Variants in VAV3 observed in about 807,000 individuals in gnomAD.
VAV3 encodes the protein guanine nucleotide exchange factor VAV3.
A neutral mutation model predicts 131.2 loss-of-function variants in VAV3; 94 were observed. The observed-to-expected ratio is 0.72, with a 90% CI of 0.61 to 0.85. The LOEUF (loss-of-function observed/expected upper bound fraction) is 0.85, where lower values mean the gene tolerates loss of function less well. VAV3 is among the 40% of genes least tolerant of loss of function. The probability of loss-of-function intolerance (pLI) is 0.00; values close to 1 mark genes in which losing one functional copy is unlikely to be tolerated. For synonymous variants in VAV3, 349 were observed against 342.0 expected, an observed-to-expected ratio of 1.02 and a Z score of -0.22; for missense variants, 939 against 1,002.7, an observed-to-expected ratio of 0.94 and a Z score of 0.86.
intron 1 of VAV3, among the ~76,000 whole-genome samples, chr1:107,925,470 T>C (rs115556296): frequency 3.1e-3 from 477 of 152,308 alleles, no homozygotes; most frequent in Middle Eastern, 6.8e-3. Flanking sequence ...ATATGGTGTA[T>C]ACATACAATG....
intron 21 of VAV3, among the ~76,000 whole-genome samples, chr1:107,614,071 C>T (rs1434609369): frequency 6.6e-6 from 1 of 151,982 alleles, no homozygotes; most frequent in Non-Finnish European, 1.5e-5. Flanking sequence ...CAATCCTGAA[C>T]CAATACCAAA....
intron 1 of VAV3, among the ~76,000 whole-genome samples, chr1:107,928,002 C>G (rs943378934): frequency 1.3e-5 from 2 of 152,136 alleles, no homozygotes; most frequent in African/African-American, 4.8e-5. Context: ...AGAGCACAGT[C>G]CCGGTGGTGG....
intron 1 of VAV3, among the ~76,000 whole-genome samples, chr1:107,952,487 C>CATATATATATATATATATAT (rs1173992663): frequency 2.2e-5 from 3 of 133,462 alleles, no homozygotes; most frequent in South Asian, 2.3e-4. Flanking sequence ...TATATATATA[C>CATATATATATATATATATAT]ACACATAAAT....
chr1:107,959,198 T>C (rs936812806), intron 1 of VAV3, among the ~76,000 whole-genome samples: 8 of 151,990 alleles, frequency 5.3e-5, no homozygotes, highest in African/African-American at 1.9e-4. Flanking sequence ...GAGGCAGAGG[T>C]TGCAGTGAGC....
chr1:107,689,120 A>C (rs1394687365), intron 17 of VAV3, among the ~76,000 whole-genome samples: 4 of 152,104 alleles, frequency 2.6e-5, no homozygotes, highest in Non-Finnish European at 5.9e-5. Flanking sequence ...CGTTCTGGGG[A>C]TAAGGGCGCA....
chr1:107,695,243 A>G (rs550815190), intron 17 of VAV3, among the ~76,000 whole-genome samples: 1 of 152,290 alleles, frequency 6.6e-6, no homozygotes, highest in African/African-American at 2.4e-5. Context: ...ATTATTCTGT[A>G]AGAAATGTAA....
chr1:107,950,893 G>A (rs1011345829), intron 1 of VAV3, among the ~76,000 whole-genome samples: 1 of 152,132 alleles, frequency 6.6e-6, no homozygotes, highest in Non-Finnish European at 1.5e-5. Flanking sequence ...AGAGAGAGGA[G>A]AGAGAGCAAG....
chr1:107,660,176 G>C (rs1178139923), intron 19 of VAV3, among the ~76,000 whole-genome samples: 2 of 152,064 alleles, frequency 1.3e-5, no homozygotes, highest in Non-Finnish European at 2.9e-5. Flanking sequence ...TCAGGTCATA[G>C]CATGTTGAAC....
At chr1:107,693,775 CAT>C (rs1471221764) in intron 17 of VAV3, among the ~76,000 whole-genome samples, 1 of 152,136 alleles carries the variant, frequency 6.6e-6, no homozygotes, top group Non-Finnish European at 1.5e-5. Flanking sequence ...AGATGAGAAA[CAT>C]ATTCCGAACA....
At chr1:107,822,074 G>A (rs1045933151) in intron 2 of VAV3, among the ~76,000 whole-genome samples, 1 of 152,110 alleles carries the variant, frequency 6.6e-6, no homozygotes, top group Non-Finnish European at 1.5e-5. Context: ...GCCTTTGTGG[G>A]CAGGACTAGG....
intron 1 of VAV3, among the ~76,000 whole-genome samples, chr1:107,920,313 G>T (rs911713222): frequency 1.3e-5 from 2 of 152,152 alleles, no homozygotes; most frequent in Non-Finnish European, 2.9e-5. Flanking sequence ...ATGCATAGGA[G>T]TTCATCATTA....
chr1:107,765,050 G>A (rs752162372), intron 9 of VAV3, 26 bp downstream of exon 9: 39 of 1,544,892 alleles, frequency 2.5e-5, no homozygotes, highest in Admixed American at 5.1e-5. Flanking sequence ...TTTGCTTTAT[G>A]TCATAAACTA....
intron 15 of VAV3, among the ~76,000 whole-genome samples, chr1:107,728,366 G>A (rs970599568): frequency 5.3e-5 from 8 of 152,166 alleles, no homozygotes; most frequent in Admixed American, 2.0e-4. Context: ...GTGGCTTTGG[G>A]CAAATTACTC....
At chr1:107,940,125 T>C (rs1446857737) in intron 1 of VAV3, among the ~76,000 whole-genome samples, 1 of 152,236 alleles carries the variant, frequency 6.6e-6, no homozygotes, top group Admixed American at 6.5e-5. Context: ...GGAGGAGCTC[T>C]TGATGCCTGG....
intron 25 of VAV3, among the ~76,000 whole-genome samples, chr1:107,576,149 TC>T (rs1381963896): frequency 1.3e-5 from 2 of 151,892 alleles, no homozygotes; most frequent in East Asian, 3.9e-4. Context: ...CTCTGCAAAC[TC>T]TCCCCAACAG....
intron 2 of VAV3, among the ~76,000 whole-genome samples, chr1:107,803,073 T>C (rs1230289759): frequency 6.6e-6 from 1 of 151,988 alleles, no homozygotes; most frequent in Non-Finnish European, 1.5e-5. Context: ...TCTTGTCAGG[T>C]TGTATGTGTC....
intron 19 of VAV3, among the ~76,000 whole-genome samples, chr1:107,668,490 C>T (rs546411788): frequency 1.3e-5 from 2 of 152,280 alleles, no homozygotes; most frequent in African/African-American, 4.8e-5. Context: ...CATGTAAAAC[C>T]TCTAGTACAT....
rs1664367130 is a variant in VAV3 at position 107,760,810 on chromosome 1, C to T, written c.991G>A (p.Val331Ile). ...RDLLVVPMQR[V>I]LKYHLLLQEL... is the part of the protein sequence containing the mutation. ...TGGAGGAGAAGGTGGTACTTTAAAA[C>T]ACGTTGCATAGGAACCACAAGCAAG... is the stretch of plus-strand genomic sequence containing the variant. Residue 331 changes from valine (V) to isoleucine (I), a missense_variant, in exon 10 of 27, where the codon GTT (valine) becomes ATT (isoleucine). Physicochemically the swap from Val to Ile is conservative, Grantham distance 29. Transcript: ENST00000370056. 1 of 1,613,620 alleles carries T rather than the reference C, an allele frequency of 6.2e-7. No individual in the cohort carries two copies. The highest frequency in any genetic ancestry group is 8.5e-7 in the Non-Finnish European group (1 of 1,179,658).
intron 1 of VAV3, among the ~76,000 whole-genome samples, chr1:107,890,461 T>C (rs1321634055): frequency 1.3e-5 from 2 of 152,206 alleles, no homozygotes; most frequent in Non-Finnish European, 2.9e-5. Context: ...CAAAAGGAGT[T>C]TGTATTCTGT....
Sources: allele counts gnomAD v4.1 joint callset (sites outside exome capture counted in the v4.1 genomes callset), GRCh38; gene constraint gnomAD v4.1.1; transcripts MANE v1.5; gene names NCBI Gene and HGNC (gene_info 2026-07-23, HGNC 2026-07-21).